Variants in FZR1 observed in about 807,000 individuals in gnomAD.
FZR1 encodes fizzy and cell division cycle 20 related 1.
A neutral mutation model predicts 63.6 loss-of-function variants in FZR1; 11 were observed. That is an observed-to-expected ratio of 0.17 (90% CI 0.11 to 0.29). FZR1 has a LOEUF of 0.29. Among genes scored for constraint, FZR1 ranks in the 10% least tolerant of loss-of-function variants. The pLI, the probability that FZR1 is intolerant of heterozygous loss-of-function variation, is 1.00. For missense variants in FZR1, 440 were observed against 687.5 expected (o/e 0.64, Z 4.03); for synonymous variants, 328 against 297.9 (o/e 1.10, Z -1.04).
At position 3,537,747 on chromosome 19, in the gene FZR1, T is replaced by C. The variant is rs1183213489; in HGVS notation, c.*2911T>C. 1 of 152,474 alleles carries C rather than the reference T, an allele frequency of 6.6e-6. No homozygotes were observed. The highest frequency in any genetic ancestry group is 1.5e-5 in the Non-Finnish European group (1 of 68,372). 9.4% of individuals were successfully genotyped at this position (152,474 alleles called of 1,614,324 possible). On this transcript the variant is annotated 3_prime_UTR_variant, in exon 14 of 14. Coordinates refer to ENST00000441788, the MANE Select transcript of FZR1 (RefSeq NM_016263.4). ...GGTGAAGGAGCTGGGGCAGGCCCCA[T>C]CCTGGGCATTGGAGATGATGAAACC...
intron 1 of FZR1, among the ~76,000 whole-genome samples, chr19:3,507,121 C>T (rs1296313012): frequency 6.6e-6 from 1 of 152,078 alleles, no homozygotes; most frequent in Non-Finnish European, 1.5e-5. Flanking sequence ...CCCGTCTCAC[C>T]TCATCTCGCT....
chr19:3,506,942 A>T lies in FZR1; in HGVS notation c.-35+468A>T, dbSNP rs114344181. On this transcript the variant is annotated intron_variant, in intron 1 of 13. Transcript: ENST00000441788. The stretch of plus-strand genomic sequence containing the variant: ...TCCCAGCTTGGGTCCTGCCCACACG[A>T]AGCCGCCCCCCATCGCTGAGCCTGT... Among the ~76,000 whole-genome samples, 690 of 151,868 alleles carry T rather than the reference A, an allele frequency of 4.5e-3. 7 individuals carry two copies. Among genetic ancestry groups the T allele is most frequent in the African/African-American group, 0.016 (662 of 41,400 alleles).
In FZR1 at chr19:3,516,207, GA is replaced by G. The variant is rs1265105208; in HGVS notation, c.-34-6748del. Among the ~76,000 whole-genome samples, 1 of 152,350 alleles carries G rather than the reference GA, an allele frequency of 6.6e-6. No individual in the cohort carries two copies. The highest frequency in any genetic ancestry group is 3.4e-3 in the Middle Eastern group (1 of 294). On this transcript the variant is annotated intron_variant, in intron 1 of 13. Coordinates refer to ENST00000441788, the MANE Select transcript of FZR1 (RefSeq NM_016263.4). This position sits in a 1 kb window ranked among gnomAD's most constrained non-coding sequence, Gnocchi z 6.0. ...TGTCTCTCCCCACGCCTGGGATGGT[GA>G]GGCCGAGTCCCCCAGCCCACAGCCT...
At position 3,526,192 on chromosome 19, in the gene FZR1, C is replaced by T; in HGVS notation, c.259+9C>T. 6.2e-7 allele frequency: 1 copy of T among 1,612,346 alleles called. No individual in the cohort carries two copies. ...CTCAGACAACGGCAAAGGTTAGGGT[C>T]CCAGCCCATCCGCCCTGCAGGCCCC... On this transcript the variant is annotated intron_variant, in intron 4 of 13. Coordinates refer to ENST00000441788, the MANE Select transcript of FZR1 (RefSeq NM_016263.4). This position sits in a 1 kb window ranked among gnomAD's most constrained non-coding sequence, Gnocchi z 5.4.
chr19:3,528,794 A>AGTGGATGGGTAC (rs1263662465), intron 7 of FZR1, among the ~76,000 whole-genome samples: 2 of 124,308 alleles, frequency 1.6e-5, no homozygotes, highest in Non-Finnish European at 3.4e-5. Context: ...TGGATGGGAG[A>AGTGGATGGGTAC]GTGGATGGGT....
chr19:3,534,854 G>C lies in FZR1; in HGVS notation c.*18G>C, dbSNP rs763206021. The stretch of plus-strand genomic sequence containing the variant: ...TCCGGTAAACCTGCCGGGCAGGACC[G>C]TGCCACACCAGCTGTCCAGAGTCGG... On this transcript the variant is annotated 3_prime_UTR_variant, in exon 14 of 14. Transcript: ENST00000441788. 6.2e-7 allele frequency: 1 copy of C among 1,604,268 alleles called. No homozygotes were observed. The highest frequency in any genetic ancestry group is 1.3e-5 in the African/African-American group (1 of 74,920).
chr19:3,516,692 G>A lies in FZR1; in HGVS notation c.-34-6264G>A, dbSNP rs1309499747. ...CTTGTGCACCCCTGCCCTCACTGCA[G>A]GGACAGACAGGAGCTGGGTCTCAGG... is the stretch of plus-strand genomic sequence containing the variant. On this transcript the variant is annotated intron_variant, in intron 1 of 13. Transcript: ENST00000441788. This position sits in a 1 kb window ranked among gnomAD's most constrained non-coding sequence, Gnocchi z 6.0. Among the ~76,000 whole-genome samples the A allele has an allele frequency of 2.0e-5, 3 of 152,252 alleles. No homozygotes were observed. Among genetic ancestry groups the A allele is most frequent in the African/African-American group, 7.2e-5 (3 of 41,470 alleles).
At position 3,525,567 on chromosome 19, in the gene FZR1, C is replaced by T. The variant is rs113122210; in HGVS notation, c.70-301C>T. On this transcript the variant is annotated intron_variant, in intron 2 of 13. Coordinates refer to ENST00000441788, the MANE Select transcript of FZR1 (RefSeq NM_016263.4). This position sits in a 1 kb window ranked among gnomAD's most constrained non-coding sequence, Gnocchi z 4.2. ...ATGCCATTCTCCTGCCTCAGCCTCC[C>T]GAGTAGCTGGGACTACAGGCGCCTG... is the stretch of plus-strand genomic sequence containing the variant. Among the ~76,000 whole-genome samples the T allele has an allele frequency of 0.019, 2,816 of 151,784 alleles. 77 individuals are homozygous for T. Among genetic ancestry groups the T allele is most frequent in the African/African-American group, 0.063 (2,604 of 41,330 alleles).
In FZR1 at chr19:3,515,544, G is replaced by A. The variant is rs1007772117; in HGVS notation, c.-34-7412G>A. On this transcript the variant is annotated intron_variant, in intron 1 of 13. Coordinates refer to ENST00000441788, the MANE Select transcript of FZR1 (RefSeq NM_016263.4). The surrounding 1 kb of genome is among the most constrained non-coding windows in gnomAD (Gnocchi z 4.6). ...AGCACTTTGGGAGGCCGAGGCGGGC[G>A]GATCACAAGGTCAGGAGATCGAAAC... Among the ~76,000 whole-genome samples the A allele has an allele frequency of 2.0e-5, 3 of 152,098 alleles. No individual in the cohort carries two copies. The highest frequency in any genetic ancestry group is 2.9e-5 in the Non-Finnish European group (2 of 68,002).
At chr19:3,517,179 C>T (rs572799218) in intron 1 of FZR1, among the ~76,000 whole-genome samples, 128 of 152,046 alleles carry the variant, frequency 8.4e-4, no homozygotes, top group African/African-American at 3.0e-3. Flanking sequence ...TGCTTGAGCC[C>T]AGAAGTTCGA....
At chr19:3,517,450 G>T (rs2083066619) in intron 1 of FZR1, among the ~76,000 whole-genome samples, 1 of 152,172 alleles carries the variant, frequency 6.6e-6, no homozygotes, top group Non-Finnish European at 1.5e-5. Context: ...ACTTTGGGAA[G>T]CTGAGGCGTG....
Position 3,523,004 on chromosome 19 carries a change from T to C in FZR1, c.15T>C (p.Tyr5=). The change falls in exon 2 of 14, where the codon TAT becomes TAC. Residue 5 remains tyrosine (Y), a synonymous_variant. Transcript: ENST00000441788. ...CCTGCCTCGCCATGGACCAGGACTATGAGCGGCGCCTGCTTCGCCAGATCG... is the reference window on the plus strand; with the variant it reads ...CCTGCCTCGCCATGGACCAGGACTACGAGCGGCGCCTGCTTCGCCAGATCG... MDQD[Y]ERRLLRQIVI... is the part of the protein sequence containing the mutation. 1 of 1,611,724 alleles carries C rather than the reference T, an allele frequency of 6.2e-7. No individual in the cohort carries two copies. Among genetic ancestry groups the C allele is most frequent in the Non-Finnish European group, 8.5e-7 (1 of 1,178,904 alleles).
intron 2 of FZR1, among the ~76,000 whole-genome samples, chr19:3,523,648 T>A (rs547467827): frequency 1.4e-4 from 21 of 152,372 alleles, no homozygotes; most frequent in African/African-American, 5.0e-4. Flanking sequence ...AGGCTTAGCC[T>A]GGACGGCCAC....
rs115026210 is a variant in FZR1, at chr19:3,515,404, G to A, written c.-34-7552G>A. ...AATGCGGTGGTGCCCGGTCTCATCCGGAGCCTGCCTGGCCCATCTCTGACC... is the reference window on the plus strand; with the variant it reads ...AATGCGGTGGTGCCCGGTCTCATCCAGAGCCTGCCTGGCCCATCTCTGACC... On this transcript the variant is annotated intron_variant, in intron 1 of 13. Transcript: ENST00000441788. The surrounding 1 kb of genome is among the most constrained non-coding windows in gnomAD (Gnocchi z 4.6). Among the ~76,000 whole-genome samples the A allele has an allele frequency of 6.9e-3, 1,046 of 152,138 alleles. 13 individuals are homozygous for A. Among genetic ancestry groups the A allele is most frequent in the African/African-American group, 0.024 (987 of 41,454 alleles).
chr19:3,523,937 C>A (rs971427252), intron 2 of FZR1, among the ~76,000 whole-genome samples: 2 of 152,234 alleles, frequency 1.3e-5, no homozygotes, highest in African/African-American at 4.8e-5. Context: ...GCCGCCTTCT[C>A]CCCCTGTGCG....
intron 1 of FZR1, among the ~76,000 whole-genome samples, chr19:3,509,275 T>C (rs991019097): frequency 1.6e-4 from 24 of 152,230 alleles, no homozygotes; most frequent in South Asian, 4.2e-4. Context: ...TCCTCATTCA[T>C]GGATGGGATG....
intron 7 of FZR1, among the ~76,000 whole-genome samples, chr19:3,530,305 G>C (rs559415768): frequency 2.9e-4 from 36 of 125,620 alleles, no homozygotes; most frequent in African/African-American, 9.6e-4. Flanking sequence ...GGGGAGAGCG[G>C]AGGAGAGAGC....
At position 3,537,350 on chromosome 19, in the gene FZR1, C is replaced by T. The variant is rs2030015761; in HGVS notation, c.*2514C>T. On this transcript the variant is annotated 3_prime_UTR_variant, in exon 14 of 14. Coordinates refer to ENST00000441788, the MANE Select transcript of FZR1 (RefSeq NM_016263.4). ...ACGAAGGCCAGTGGGGCCATCGCTT[C>T]CTGGGGCGACCCTGGCAGTGGTTGG... is the stretch of plus-strand genomic sequence containing the variant. The T allele has an allele frequency of 6.6e-6, 1 of 152,266 alleles. No individual in the cohort carries two copies. Among genetic ancestry groups the T allele is most frequent in the Non-Finnish European group, 1.5e-5 (1 of 68,090 alleles). 9.4% of individuals were successfully genotyped at this position (152,266 alleles called of 1,614,324 possible).
intron 1 of FZR1, among the ~76,000 whole-genome samples, chr19:3,508,839 G>A (rs1166606693): frequency 6.6e-6 from 1 of 152,178 alleles, no homozygotes; most frequent in African/African-American, 2.4e-5. Context: ...TGCCCAGAAC[G>A]GCCCAGTACA....
Sources: gnomAD v4.1 joint callset for allele counts (sites outside exome capture counted in the v4.1 genomes callset) on GRCh38, gnomAD v4.1.1 for gene constraint, Gnocchi (gnomAD v3.1) non-coding constraint, MANE v1.5 for transcripts, NCBI Gene and HGNC (gene_info 2026-07-23, HGNC 2026-07-21) for gene names.